MTUS2: variants seen among roughly 807,000 people sequenced by gnomAD.
MTUS2 encodes the protein microtubule associated scaffold protein 2.
A neutral mutation model predicts 114.1 loss-of-function variants in MTUS2; 40 were observed. The ratio of observed to expected loss-of-function variants is 0.35; its 90% confidence interval spans 0.27 to 0.46. The LOEUF (loss-of-function observed/expected upper bound fraction) is 0.46. Among genes scored for constraint, MTUS2 ranks in the 20% least tolerant of loss-of-function variants. The probability of loss-of-function intolerance (pLI) is 1.00; values close to 1 mark genes in which losing one functional copy is unlikely to be tolerated. For synonymous variants in MTUS2, 688 were observed against 672.0 expected (o/e 1.02, Z -0.37); for missense variants, 1,679 against 1,705.4 (o/e 0.98, Z 0.27).
At chr13:29,010,637 G>A (rs1365733817) in intron 2 of MTUS2, among the ~76,000 whole-genome samples, 6 of 151,940 alleles carry the variant, frequency 3.9e-5, no homozygotes, top group African/African-American at 1.5e-4. Context: ...CTGTCCCCCT[G>A]CTGTGGGGAG....
At chr13:29,318,391 C>CTTT (rs71090240) in intron 6 of MTUS2, among the ~76,000 whole-genome samples, 2 of 135,036 alleles carry the variant, frequency 1.5e-5, no homozygotes, top group African/African-American at 2.8e-5. Context: ...ATTTCTTTTT[C>CTTT]TTTTTTTTTT....
intron 2 of MTUS2, among the ~76,000 whole-genome samples, chr13:28,938,031 C>T (rs954194819): frequency 6.6e-6 from 1 of 152,200 alleles, no homozygotes; most frequent in African/African-American, 2.4e-5. Flanking sequence ...ATCCCTTGTG[C>T]ATGCAGGCTC....
At chr13:29,038,887 C>T (rs1395854958) in intron 4 of MTUS2, among the ~76,000 whole-genome samples, 1 of 152,234 alleles carries the variant, frequency 6.6e-6, no homozygotes, top group Non-Finnish European at 1.5e-5. Flanking sequence ...GCCCCTCCCT[C>T]ACCAAGCTCG....
intron 2 of MTUS2, among the ~76,000 whole-genome samples, chr13:28,853,105 A>G (rs1435830024): frequency 6.6e-6 from 1 of 152,194 alleles, no homozygotes; most frequent in Non-Finnish European, 1.5e-5. Flanking sequence ...GTTGTCTTAA[A>G]TGCCTTCATG....
At chr13:29,335,553 G>C (rs970172168) in intron 7 of MTUS2, among the ~76,000 whole-genome samples, 3 of 152,094 alleles carry the variant, frequency 2.0e-5, no homozygotes, top group African/African-American at 2.4e-5. Flanking sequence ...ATAAAAACTT[G>C]CTGGTTTTGC....
In MTUS2 at chr13:29,046,117, A is replaced by T. The variant is rs113110400; in HGVS notation, c.2446+11992A>T. Reference sequence around the variant, plus strand: ...ACTACTGATTTCTTGGTTAGTAAGTATTTTTTTTTTTTTTGAGCCAGGGTC... The same window carrying T: ...ACTACTGATTTCTTGGTTAGTAAGTTTTTTTTTTTTTTTTGAGCCAGGGTC... On this transcript the variant is annotated intron_variant, in intron 4 of 15. Transcript: ENST00000612955. Among the ~76,000 whole-genome samples, 30 of 144,774 alleles carry T rather than the reference A, an allele frequency of 2.1e-4. No homozygotes were observed. The South Asian group carries it at 3.9e-3, about 19-fold the overall frequency. 95.0% of individuals were successfully genotyped at this position (144,774 alleles called of 152,430 possible).
At chr13:29,125,966 T>A (rs1240912476) in intron 5 of MTUS2, among the ~76,000 whole-genome samples, 1 of 152,214 alleles carries the variant, frequency 6.6e-6, no homozygotes, top group Non-Finnish European at 1.5e-5. Flanking sequence ...GGCCAAAGGA[T>A]AGCCATAATT....
intron 5 of MTUS2, among the ~76,000 whole-genome samples, chr13:29,127,569 C>T (rs1221060952): frequency 6.6e-6 from 1 of 152,218 alleles, no homozygotes; most frequent in Non-Finnish European, 1.5e-5. Context: ...CAAGTTTCCA[C>T]CCTGTAGGCT....
intron 2 of MTUS2, among the ~76,000 whole-genome samples, chr13:28,866,431 G>A (rs1191700894): frequency 1.3e-5 from 2 of 152,044 alleles, no homozygotes; most frequent in Non-Finnish European, 2.9e-5. Flanking sequence ...GCTGTGTGCC[G>A]CCTCGAGCTT....
chr13:29,207,484 G>C (rs935865723), intron 5 of MTUS2, among the ~76,000 whole-genome samples: 4 of 152,264 alleles, frequency 2.6e-5, no homozygotes, highest in African/African-American at 9.6e-5. Context: ...GTGAAAGTGG[G>C]CATCCTTGAC....
intron 1 of MTUS2, among the ~76,000 whole-genome samples, chr13:28,832,068 T>C (rs1261925535): frequency 3.3e-5 from 5 of 152,136 alleles, no homozygotes; most frequent in African/African-American, 1.2e-4. Flanking sequence ...CTGGCATCAA[T>C]ACCTCATTTT....
Position 29,034,139 on chromosome 13 carries a change from C to T in MTUS2, c.2446+14C>T, listed in dbSNP as rs750506475. The stretch of plus-strand genomic sequence containing the variant: ...CCGATCCTTCAGGTAACCGATCCAA[C>T]AGTTTCTGCCTTTTCCTGCTGTACG... On this transcript the variant is annotated intron_variant, in intron 4 of 15. Transcript: ENST00000612955. 2.0e-5 allele frequency: 32 copies of T among 1,613,272 alleles called. No individual in the cohort carries two copies. In the Admixed American group the frequency reaches 5.3e-4, roughly 27 times the overall value.
At chr13:29,479,957 C>T in intron 9 of MTUS2, 193 bp from the exon 10 acceptor site, 1 of 519,712 alleles carries the variant, frequency 1.9e-6, no homozygotes, top group Non-Finnish European at 3.4e-6. Flanking sequence ...TGCAGCTTCT[C>T]AACATCCAGG....
chr13:29,226,962 T>C (rs6490379), intron 5 of MTUS2, among the ~76,000 whole-genome samples: 129,897 of 152,124 alleles, frequency 0.85, 55,607 homozygotes, highest in African/African-American at 0.91. Flanking sequence ...GTCCTGGACT[T>C]GAATCTGCAT....
Position 29,316,510 on chromosome 13 carries a change from C to G in MTUS2, c.2807-8103C>G, listed in dbSNP as rs74904407. Among the ~76,000 whole-genome samples the G allele has an allele frequency of 9.4e-3, 1,429 of 152,300 alleles. 31 individuals carry two copies. The highest frequency in any genetic ancestry group is 0.033 in the African/African-American group (1,377 of 41,550). On this transcript the variant is annotated intron_variant, in intron 6 of 15. Coordinates refer to ENST00000612955, the MANE Select transcript of MTUS2 (RefSeq NM_001033602.4). ...CTGCCCTCTCCCCAACACCCCGACT[C>G]TCTTCTAAGCTTTCTCACCCCTGCC...
chr13:29,272,627 G>A (rs1403854738), intron 5 of MTUS2, among the ~76,000 whole-genome samples: 1 of 152,130 alleles, frequency 6.6e-6, no homozygotes, highest in Non-Finnish European at 1.5e-5. Flanking sequence ...CTTTTGAGGA[G>A]GTTGAGTAGG....
At chr13:28,986,893 C>G (rs1412523065) in intron 2 of MTUS2, among the ~76,000 whole-genome samples, 3 of 152,146 alleles carry the variant, frequency 2.0e-5, no homozygotes, top group Non-Finnish European at 4.4e-5. Context: ...CTGCATATAC[C>G]TGGTGGCTTC....
chr13:28,843,314 T>A (rs1566171545), intron 2 of MTUS2, among the ~76,000 whole-genome samples: 2 of 152,154 alleles, frequency 1.3e-5, no homozygotes, highest in Admixed American at 1.3e-4. Context: ...CATTGAAATA[T>A]CCTCAGATTT....
intron 6 of MTUS2, among the ~76,000 whole-genome samples, chr13:29,290,817 C>T (rs1000995604): frequency 6.6e-6 from 1 of 152,136 alleles, no homozygotes; most frequent in Admixed American, 6.5e-5. Flanking sequence ...GTCTCTCTGC[C>T]CCATATGTGC....
Sources: gnomAD v4.1 joint callset for allele counts (sites outside exome capture counted in the v4.1 genomes callset) on GRCh38, gnomAD v4.1.1 for gene constraint, MANE v1.5 for transcripts, NCBI Gene and HGNC (gene_info 2026-07-23, HGNC 2026-07-21) for gene names.